The following KAZN variants were observed in gnomAD, a reference collection of about 807,000 sequenced individuals.
The protein encoded by KAZN is kazrin, periplakin interacting protein.
Under a neutral mutation model 87.4 loss-of-function variants are expected in KAZN, and 40 were observed. The ratio of observed to expected loss-of-function variants is 0.46; its 90% CI spans 0.36 to 0.60. The LOEUF (loss-of-function observed/expected upper bound fraction) is 0.60, where lower values mean the gene tolerates loss of function less well. Among genes scored for constraint, KAZN ranks in the 20% least tolerant of loss-of-function variants. The pLI is 0.00. For synonymous variants in KAZN, 466 were observed against 458.3 expected (o/e 1.02, Z -0.22); for missense variants, 898 against 1,073.9 (o/e 0.84, Z 2.29).
At chr1:14,612,273 T>C (rs1677883394) in intron 1 of KAZN, among the ~76,000 whole-genome samples, 1 of 152,190 alleles carries the variant, frequency 6.6e-6, no homozygotes, top group Admixed American at 6.5e-5. Context: ...GAGTCACTTG[T>C]GTTCAGCCTT....
chr1:14,657,740 G>A (rs567879986), intron 1 of KAZN, among the ~76,000 whole-genome samples: 31 of 152,282 alleles, frequency 2.0e-4, no homozygotes, highest in African/African-American at 7.5e-4. Context: ...TTGATTCCAG[G>A]TGAACCTTCC....
intron 1 of KAZN, among the ~76,000 whole-genome samples, chr1:14,666,166 C>T (rs1239359006): frequency 6.6e-6 from 1 of 151,810 alleles, no homozygotes; most frequent in Non-Finnish European, 1.5e-5. Context: ...CTTTCCCTGC[C>T]GTCTCAGCGA....
chr1:14,228,924 A>C (rs76649740), intron 2 of KAZN, among the ~76,000 whole-genome samples: 1 of 152,288 alleles, frequency 6.6e-6, no homozygotes, highest in East Asian at 1.9e-4. Flanking sequence ...TCTGGTCTGC[A>C]TTCCCAGAAC....
At chr1:14,010,035 T>G (rs910557380) in intron 1 of KAZN, among the ~76,000 whole-genome samples, 2 of 152,208 alleles carry the variant, frequency 1.3e-5, no homozygotes, top group East Asian at 3.8e-4. Flanking sequence ...AGGCATTCAA[T>G]TAACACATCA....
intron 1 of KAZN, among the ~76,000 whole-genome samples, chr1:14,907,199 C>T (rs1656688685): frequency 6.6e-6 from 1 of 151,742 alleles, no homozygotes; most frequent in South Asian, 2.1e-4. Flanking sequence ...AGTTCGAGAC[C>T]AGCCTGTGCA....
exon 2 of KAZN, chr1:14,180,481 T>C (rs201960019): frequency 5.8e-6 from 9 of 1,550,432 alleles, no homozygotes; most frequent in Non-Finnish European, 7.8e-6. Context: ...CCCATTTTAT[T>C]GTCACCAAGT....
At chr1:14,841,855 C>T (rs1023421770) in intron 1 of KAZN, among the ~76,000 whole-genome samples, 2 of 152,170 alleles carry the variant, frequency 1.3e-5, no homozygotes, top group African/African-American at 4.8e-5. Context: ...ATCTTTTCTA[C>T]TCATCTCTGT....
In KAZN at chr1:14,193,916, G is replaced by A. The variant is rs139665639; in HGVS notation, c.249+13324G>A. Among the ~76,000 whole-genome samples the A allele has an allele frequency of 1.7e-3, 265 of 152,150 alleles. 7 individuals are homozygous for A. In the East Asian group the frequency reaches 0.04, roughly 23 times the overall value. ...AACAGCATTTGCTGTAGGTGGTATC[G>A]CTGTTGTTTATGCTGCTGATGCCAA... On this transcript the variant is annotated intron_variant, in intron 2 of 16. Coordinates refer to the KAZN transcript ENST00000636203.
intron 1 of KAZN, among the ~76,000 whole-genome samples, chr1:14,677,770 T>C (rs1325639569): frequency 6.6e-6 from 1 of 152,182 alleles, no homozygotes; most frequent in Non-Finnish European, 1.5e-5. Context: ...AAGTCCAGAA[T>C]AGCCAGGGTC....
chr1:14,171,485 A>C (rs2100262257), intron 1 of KAZN, among the ~76,000 whole-genome samples: 1 of 149,006 alleles, frequency 6.7e-6, no homozygotes, highest in East Asian at 2.2e-4. Flanking sequence ...GTTTTATTAT[A>C]ATAATGGGGG....
At position 14,271,842 on chromosome 1, in the gene KAZN, A is replaced by G. The variant is rs191075466; in HGVS notation, c.249+91250A>G. 1.7e-3 allele frequency among the ~76,000 whole-genome samples: 259 copies of G among 152,342 alleles called. 5 individuals carry two copies. The highest frequency in any genetic ancestry group is 0.015 in the Admixed American group (224 of 15,304). On this transcript the variant is annotated intron_variant, in intron 2 of 16. Transcript: ENST00000636203. Reference sequence around the variant, plus strand: ...GGAGAGCAGGGCTGTGTATTACAGAAGAGATTTCCTAGGCAAGTCCATTCA... The same window carrying G: ...GGAGAGCAGGGCTGTGTATTACAGAGGAGATTTCCTAGGCAAGTCCATTCA...
intron 2 of KAZN, among the ~76,000 whole-genome samples, chr1:14,364,569 T>C (rs552003617): frequency 2.2e-4 from 34 of 152,320 alleles, no homozygotes; most frequent in Non-Finnish European, 4.0e-4. Flanking sequence ...CAAATTTCCC[T>C]AGAAAAACAT....
intron 1 of KAZN, among the ~76,000 whole-genome samples, chr1:14,937,658 C>T (rs1660608136): frequency 6.6e-6 from 1 of 152,200 alleles, no homozygotes; most frequent in South Asian, 2.1e-4. Flanking sequence ...CTTGCTGTCA[C>T]GTCCCCTTCG....
At chr1:14,236,857 A>T (rs1010637746) in intron 2 of KAZN, among the ~76,000 whole-genome samples, 3 of 152,086 alleles carry the variant, frequency 2.0e-5, no homozygotes, top group Non-Finnish European at 2.9e-5. Context: ...CCAGAAAGTC[A>T]AGGCTTCCAT....
intron 1 of KAZN, among the ~76,000 whole-genome samples, chr1:13,907,482 G>A (rs1639486266): frequency 6.6e-6 from 1 of 151,948 alleles, no homozygotes; most frequent in South Asian, 2.1e-4. Flanking sequence ...GCCTTTGAGG[G>A]GTGTGTATGA....
At chr1:14,478,249 A>AGGAAGGAAGGAAGGAAG (rs1553178122) in intron 2 of KAZN, among the ~76,000 whole-genome samples, 30 of 101,488 alleles carry the variant, frequency 3.0e-4, no homozygotes, top group African/African-American at 1.2e-3. Context: ...AGGAAGGAAA[A>AGGAAGGAAGGAAGGAAG]GAAGGAAGGA....
At chr1:14,389,821 AT>A (rs1306778186) in intron 2 of KAZN, among the ~76,000 whole-genome samples, 1 of 152,190 alleles carries the variant, frequency 6.6e-6, no homozygotes, top group Non-Finnish European at 1.5e-5. Context: ...TAGTAAAAAA[AT>A]AATTTAATTG....
chr1:13,912,266 C>T (rs1021667405), intron 1 of KAZN, among the ~76,000 whole-genome samples: 4 of 152,194 alleles, frequency 2.6e-5, no homozygotes, highest in African/African-American at 9.6e-5. Context: ...GTCTTTCCTC[C>T]TGTGCCTAAT....
At chr1:13,952,423 A>C (rs1304360727) in intron 1 of KAZN, among the ~76,000 whole-genome samples, 1 of 151,902 alleles carries the variant, frequency 6.6e-6, no homozygotes, top group East Asian at 1.9e-4. Flanking sequence ...ATAGGATGAA[A>C]CAGAATGGCC....
Sources: allele counts gnomAD v4.1 joint callset (sites outside exome capture counted in the v4.1 genomes callset), GRCh38; gene constraint gnomAD v4.1.1; transcripts MANE v1.5; gene names NCBI Gene and HGNC (gene_info 2026-07-23, HGNC 2026-07-21).